Variants in CEP128 observed in about 807,000 individuals in gnomAD.
The protein encoded by CEP128 is centrosomal protein 128kDa.
A neutral mutation model predicts 156.7 loss-of-function variants in CEP128; 132 were observed. The ratio of observed to expected loss-of-function variants is 0.84; its 90% CI spans 0.73 to 0.97. The LOEUF is 0.97. Among genes scored for constraint, CEP128 ranks in the 50% least tolerant of loss-of-function variants. The pLI, the probability that CEP128 is intolerant of heterozygous loss-of-function variation, is 0.00. For synonymous variants in CEP128, 469 were observed against 448.9 expected, an observed-to-expected ratio of 1.04 and a Z score of -0.57; for missense variants, 1,252 against 1,281.9, an observed-to-expected ratio of 0.98 and a Z score of 0.36.
chr14:80,835,388 G>A (rs1353331051), intron 12 of CEP128, among the ~76,000 whole-genome samples: 1 of 152,134 alleles, frequency 6.6e-6, no homozygotes, highest in Non-Finnish European at 1.5e-5. Flanking sequence ...CTGGCAATGT[G>A]GAAATTCTAG....
At chr14:80,529,534 A>G (rs1275671726) in intron 22 of CEP128, among the ~76,000 whole-genome samples, 2 of 152,218 alleles carry the variant, frequency 1.3e-5, no homozygotes, top group South Asian at 2.1e-4. Flanking sequence ...GTTAAAATGT[A>G]TATTTTTATG....
chr14:80,857,658 T>C (rs1228008862), intron 9 of CEP128, among the ~76,000 whole-genome samples: 1 of 151,612 alleles, frequency 6.6e-6, no homozygotes, highest in African/African-American at 2.4e-5. Context: ...GCAGAATCTC[T>C]TGAACCCAGG....
At chr14:80,565,343 C>T (rs1890867274) in intron 20 of CEP128, among the ~76,000 whole-genome samples, 1 of 152,106 alleles carries the variant, frequency 6.6e-6, no homozygotes, top group Non-Finnish European at 1.5e-5. Context: ...GACCAATCCG[C>T]ACTCCCCACT....
At chr14:80,871,007 A>C (rs555837884) in intron 8 of CEP128, among the ~76,000 whole-genome samples, 2 of 152,176 alleles carry the variant, frequency 1.3e-5, no homozygotes, top group South Asian at 4.1e-4. Context: ...ACGAAGAAAT[A>C]AATTTACCTA....
intron 19 of CEP128, among the ~76,000 whole-genome samples, chr14:80,612,628 T>C (rs1229048253): frequency 3.3e-5 from 5 of 152,290 alleles, no homozygotes; most frequent in East Asian, 3.9e-4. Flanking sequence ...AAAACAGGTG[T>C]ATCAAAATGC....
chr14:80,561,917 T>TATA (rs1463564179), intron 20 of CEP128, among the ~76,000 whole-genome samples: 3 of 148,194 alleles, frequency 2.0e-5, no homozygotes, highest in Non-Finnish European at 3.0e-5. Context: ...TATATATTTG[T>TATA]TTTGTTTTGT....
chr14:80,503,472 C>T (rs1267454468), intron 24 of CEP128, among the ~76,000 whole-genome samples: 1 of 152,114 alleles, frequency 6.6e-6, no homozygotes, highest in Non-Finnish European at 1.5e-5. Flanking sequence ...GTCTTCTAAC[C>T]ACTTCCCTCT....
chr14:80,757,694 T>A (rs1899737879), intron 17 of CEP128, among the ~76,000 whole-genome samples: 1 of 152,214 alleles, frequency 6.6e-6, no homozygotes, highest in South Asian at 2.1e-4. Context: ...TTTGCCTGTT[T>A]AAAAATATCC....
chr14:80,490,178 A>T (rs1887277246), downstream of CEP128, among the ~76,000 whole-genome samples: 1 of 152,164 alleles, frequency 6.6e-6, no homozygotes, highest in Admixed American at 6.6e-5. Context: ...ATCAGTTATC[A>T]GTCTTTCAGG....
intron 3 of CEP128, among the ~76,000 whole-genome samples, chr14:80,915,851 T>C (rs536477753): frequency 6.6e-6 from 1 of 152,352 alleles, no homozygotes; most frequent in South Asian, 2.1e-4. Flanking sequence ...CCAACTGTCA[T>C]AGGCAGAATA....
At chr14:80,664,692 GGAATGAATGCTT>G (rs1158608785) in intron 19 of CEP128, among the ~76,000 whole-genome samples, 1 of 152,148 alleles carries the variant, frequency 6.6e-6, no homozygotes, top group Non-Finnish European at 1.5e-5. Context: ...TCTGACTTCA[GGAATGAATGCTT>G]GACTATACTC....
chr14:80,592,902 A>T (rs769168900), intron 19 of CEP128, among the ~76,000 whole-genome samples: 1 of 152,230 alleles, frequency 6.6e-6, no homozygotes, highest in Non-Finnish European at 1.5e-5. Context: ...CAAAAGCCAC[A>T]TGATTATCTC....
chr14:80,661,782 A>G (rs1041646100), intron 19 of CEP128, among the ~76,000 whole-genome samples: 4 of 152,216 alleles, frequency 2.6e-5, no homozygotes, highest in African/African-American at 9.6e-5. Context: ...ATACTTTATA[A>G]TTCAAAATTT....
chr14:80,597,587 C>T (rs1892385141), intron 19 of CEP128, among the ~76,000 whole-genome samples: 1 of 149,076 alleles, frequency 6.7e-6, no homozygotes, highest in Non-Finnish European at 1.5e-5. Context: ...TATTTCAATA[C>T]CAAAAACAAT....
chr14:80,881,430 C>G (rs34296139), intron 8 of CEP128, among the ~76,000 whole-genome samples: 14,970 of 152,094 alleles, frequency 0.098, 1,215 homozygotes, highest in East Asian at 0.42. Flanking sequence ...AAAGACGTAA[C>G]ATGTCTTCTA....
intron 19 of CEP128, among the ~76,000 whole-genome samples, chr14:80,650,471 G>A (rs1193346042): frequency 6.6e-6 from 1 of 152,118 alleles, no homozygotes; most frequent in Non-Finnish European, 1.5e-5. Flanking sequence ...CAAGTGGTGA[G>A]AAGAGGGCAT....
chr14:80,825,816 A>C (rs932977639), intron 13 of CEP128, among the ~76,000 whole-genome samples: 4 of 152,150 alleles, frequency 2.6e-5, no homozygotes, highest in African/African-American at 9.7e-5. Context: ...TTTTACTTGC[A>C]GAACATCTCA....
At chr14:80,853,986 CG>C (rs34420059) in intron 9 of CEP128, among the ~76,000 whole-genome samples, 89,244 of 151,382 alleles carry the variant, frequency 0.59, 26,931 homozygotes, top group African/African-American at 0.71. Flanking sequence ...AAAAAATCCC[CG>C]GGGGGAAAGA....
intron 13 of CEP128, among the ~76,000 whole-genome samples, chr14:80,811,819 T>TAGATAGAC (rs58795620): frequency 0.064 from 205 of 3,210 alleles, no homozygotes; most frequent in African/African-American, 0.21. Flanking sequence ...ACGCATGTAT[T>TAGATAGAC]AGATAGATAG....
Sources: gnomAD v4.1 joint callset for allele counts (sites outside exome capture counted in the v4.1 genomes callset) on GRCh38, gnomAD v4.1.1 for gene constraint, MANE v1.5 for transcripts, NCBI Gene and HGNC (gene_info 2026-07-23, HGNC 2026-07-21) for gene names.